ITGA8: variants seen among roughly 807,000 people sequenced by gnomAD.
ITGA8 encodes the protein integrin alpha-8.
In ITGA8, 91 loss-of-function variants were observed where a neutral mutation model predicts 142.3. That is an observed-to-expected ratio of 0.64 (90% CI 0.54 to 0.76). The LOEUF (loss-of-function observed/expected upper bound fraction) is 0.76. Ranked by LOEUF, ITGA8 falls within the 30% of genes least tolerant of loss-of-function variation. The pLI, the probability that ITGA8 is intolerant of heterozygous loss-of-function variation, is 0.00. For synonymous variants in ITGA8, 505 were observed against 485.2 expected, an observed-to-expected ratio of 1.04 and a Z score of -0.54; for missense variants, 1,406 against 1,327.7, an observed-to-expected ratio of 1.06 and a Z score of -0.92.
chr10:15,582,002 G>C (rs1212498499), intron 23 of ITGA8, among the ~76,000 whole-genome samples: 3 of 152,180 alleles, frequency 2.0e-5, no homozygotes, highest in African/African-American at 7.2e-5. Flanking sequence ...ACTTTGGGAG[G>C]GTGAGGCAGG....
chr10:15,709,188 A>G (rs1002640070), intron 2 of ITGA8, among the ~76,000 whole-genome samples: 1 of 152,184 alleles, frequency 6.6e-6, no homozygotes, highest in African/African-American at 2.4e-5. Context: ...TTGACATAAA[A>G]CCTTTTCTGT....
intron 28 of ITGA8, among the ~76,000 whole-genome samples, chr10:15,530,362 A>G (rs535861722): frequency 1.1e-4 from 16 of 152,072 alleles, no homozygotes; most frequent in Non-Finnish European, 1.6e-4. Flanking sequence ...CCTGGCCAAC[A>G]TGGTGAAACC....
chr10:15,663,519 A>G (rs1265789328), intron 8 of ITGA8, among the ~76,000 whole-genome samples: 1 of 151,440 alleles, frequency 6.6e-6, no homozygotes, highest in Non-Finnish European at 1.5e-5. Flanking sequence ...GTGCATCATT[A>G]TTTATTTTCT....
intron 13 of ITGA8, among the ~76,000 whole-genome samples, chr10:15,635,779 G>A (rs1833762020): frequency 6.6e-6 from 1 of 152,104 alleles, no homozygotes; most frequent in African/African-American, 2.4e-5. Context: ...AATAAACTTT[G>A]ACTATAATGT....
intron 6 of ITGA8, among the ~76,000 whole-genome samples, chr10:15,677,197 A>C (rs1030802932): frequency 2.0e-5 from 3 of 152,328 alleles, no homozygotes; most frequent in Admixed American, 1.3e-4. Flanking sequence ...ACAGCCTGGT[A>C]GGAGGAATAA....
At chr10:15,553,313 T>C (rs1334261415) in intron 26 of ITGA8, among the ~76,000 whole-genome samples, 1 of 151,768 alleles carries the variant, frequency 6.6e-6, no homozygotes, top group East Asian at 1.9e-4. Flanking sequence ...TTTTTTTTTT[T>C]TTTTTTTGTC....
At chr10:15,705,695 TTC>T (rs1057381441) in intron 2 of ITGA8, among the ~76,000 whole-genome samples, 2 of 152,210 alleles carry the variant, frequency 1.3e-5, no homozygotes, top group African/African-American at 4.8e-5. Context: ...CTATCTCCCA[TTC>T]TCTCTTGACA....
chr10:15,525,884 T>C (rs1188187806), intron 28 of ITGA8, among the ~76,000 whole-genome samples: 1 of 152,136 alleles, frequency 6.6e-6, no homozygotes, highest in Non-Finnish European at 1.5e-5. Context: ...TTACTAAGTC[T>C]CCAAAATCCA....
chr10:15,536,033 C>A (rs1833428466), intron 27 of ITGA8, among the ~76,000 whole-genome samples: 1 of 151,536 alleles, frequency 6.6e-6, no homozygotes, highest in African/African-American at 2.4e-5. Flanking sequence ...CCAGCGAGAC[C>A]ACGAACCCAC....
At chr10:15,578,482 G>A (rs1834339961) in intron 23 of ITGA8, among the ~76,000 whole-genome samples, 1 of 152,104 alleles carries the variant, frequency 6.6e-6, no homozygotes, top group African/African-American at 2.4e-5. Flanking sequence ...TTAATGTAGG[G>A]ATTCTTGTGT....
At chr10:15,712,511 G>A (rs1835380573) in intron 2 of ITGA8, among the ~76,000 whole-genome samples, 1 of 152,226 alleles carries the variant, frequency 6.6e-6, no homozygotes, top group African/African-American at 2.4e-5. Context: ...TGAGGCAGGA[G>A]AATCATTTTA....
rs529920040 is a variant in ITGA8, at chr10:15,711,122, T to C, written c.343+7644A>G. 2.0e-5 allele frequency among the ~76,000 whole-genome samples: 3 copies of C among 152,318 alleles called. No individual in the cohort carries two copies. The East Asian group carries it at 5.8e-4, about 29-fold the overall frequency. On this transcript the variant is annotated intron_variant, in intron 2 of 29. Coordinates refer to ENST00000378076, the MANE Select transcript of ITGA8 (RefSeq NM_003638.3). ...GAGGAAATTTTGTGCCTGAATTTCA[T>C]AAGGATATAGGAATGACACAAGGAA... is the stretch of plus-strand genomic sequence containing the variant.
intron 25 of ITGA8, among the ~76,000 whole-genome samples, chr10:15,561,831 G>T (rs1033366308): frequency 6.6e-6 from 1 of 152,162 alleles, no homozygotes; most frequent in Non-Finnish European, 1.5e-5. Flanking sequence ...CCAAGACTGG[G>T]TAATTTATAA....
At chr10:15,716,094 C>T (rs1401057219) in intron 2 of ITGA8, among the ~76,000 whole-genome samples, 1 of 152,218 alleles carries the variant, frequency 6.6e-6, no homozygotes, top group Non-Finnish European at 1.5e-5. Flanking sequence ...TTTCACAGGT[C>T]ACAGCCTTGT....
chr10:15,717,941 G>A (rs909683913), intron 2 of ITGA8, among the ~76,000 whole-genome samples: 1 of 152,184 alleles, frequency 6.6e-6, no homozygotes, highest in Non-Finnish European at 1.5e-5. Flanking sequence ...TATTTTAAAC[G>A]ATTATTTATC....
At chr10:15,581,193 A>G (rs1014638714) in intron 23 of ITGA8, among the ~76,000 whole-genome samples, 1 of 152,186 alleles carries the variant, frequency 6.6e-6, no homozygotes, top group African/African-American at 2.4e-5. Flanking sequence ...ATATCAATCA[A>G]CTTGGAGACT....
rs1564388817 is a variant in ITGA8 at position 15,644,460 on chromosome 10, AT to A, written c.1208-240del. ...TATATATATATATATATATATATAT[AT>A]ATATATATATATATATATATATATA... On this transcript the variant is annotated intron_variant, in intron 12 of 29. Transcript: ENST00000378076. Among the ~76,000 whole-genome samples, 10 of 13,806 alleles carry A rather than the reference AT, an allele frequency of 7.2e-4. 1 individual carries two copies. The highest frequency in any genetic ancestry group is 5.6e-3 in the East Asian group (1 of 178). 9.1% of individuals were successfully genotyped at this position (13,806 alleles called of 152,430 possible).
At chr10:15,616,923 T>G (rs991449887) in intron 13 of ITGA8, among the ~76,000 whole-genome samples, 3 of 152,146 alleles carry the variant, frequency 2.0e-5, no homozygotes, top group Non-Finnish European at 4.4e-5. Context: ...CATTACACAT[T>G]TCGTGTTATC....
chr10:15,517,610 C>T (rs1232762043), intron 29 of ITGA8, among the ~76,000 whole-genome samples: 1 of 152,228 alleles, frequency 6.6e-6, no homozygotes, highest in East Asian at 1.9e-4. Flanking sequence ...AGGCGTGAGC[C>T]ACCACACCTG....
Sources: gnomAD v4.1 joint callset for allele counts (sites outside exome capture counted in the v4.1 genomes callset) on GRCh38, gnomAD v4.1.1 for gene constraint, MANE v1.5 for transcripts, NCBI Gene and HGNC (gene_info 2026-07-23, HGNC 2026-07-21) for gene names.